The following SLC38A8 variants were observed in gnomAD, a reference collection of about 807,000 sequenced individuals.
SLC38A8 encodes the protein amino acid transporter SLC38A8.
SLC38A8 carries 65 observed loss-of-function variants against 46.0 expected under a neutral mutation model. The ratio of observed to expected loss-of-function variants is 1.41; its 90% CI spans 1.16 to 1.74. The LOEUF (loss-of-function observed/expected upper bound fraction) is 1.74, where lower values mean the gene tolerates loss of function less well. Ranked by LOEUF, SLC38A8 falls within the 40% of genes most tolerant of loss-of-function variation. The pLI, the probability that SLC38A8 is intolerant of heterozygous loss-of-function variation, is 0.00. For synonymous variants in SLC38A8, 447 were observed against 243.7 expected, an observed-to-expected ratio of 1.83 and a Z score of -7.77; for missense variants, 998 against 567.9, an observed-to-expected ratio of 1.76 and a Z score of -7.70.
intron 3 of SLC38A8, among the ~76,000 whole-genome samples, chr16:84,034,148 A>G (rs2085276714): frequency 6.6e-6 from 1 of 152,200 alleles, no homozygotes; most frequent in Non-Finnish European, 1.5e-5. Context: ...GAGTCTCTCC[A>G]CATGGGCCAC....
rs74035111 is a variant in SLC38A8, at chr16:84,042,601, G to A, written c.-53C>T. 411 of 156,264 alleles carry A rather than the reference G, an allele frequency of 2.6e-3. 1 individual carries two copies. The highest frequency in any genetic ancestry group is 9.3e-3 in the African/African-American group (387 of 41,660). The allele number at this position is 156,264 out of a possible 1,614,324, so 9.7% of individuals were successfully genotyped here. A position where few individuals can be genotyped will look rare whatever the true frequency, so the allele number is the denominator to read the frequency against. ...GGACAGTCTTTGGCTGTTGGGGATG[G>A]GACTCGGGCTTACTCCAGGTGGCTC... On this transcript the variant is annotated 5_prime_UTR_variant, in exon 1 of 11. Coordinates refer to ENST00000299709, the MANE Select transcript of SLC38A8 (RefSeq NM_001080442.3).
Position 84,009,723 on chromosome 16 carries a change from T to G in SLC38A8, c.*61A>C. On this transcript the variant is annotated 3_prime_UTR_variant, in exon 11 of 11. Transcript: ENST00000299709. The stretch of plus-strand genomic sequence containing the variant: ...AAATGGCATCGGTCTCCTGGCTGCA[T>G]ACAGCAGCCACGTAGGGTCAGCCCC... 1.4e-6 allele frequency: 2 copies of G among 1,413,318 alleles called. No homozygotes were observed. Among genetic ancestry groups the G allele is most frequent in the Non-Finnish European group, 9.8e-7 (1 of 1,021,750 alleles). The allele number at this position is 1,413,318 out of a possible 1,614,324, so 87.5% of individuals were successfully genotyped here.
intron 6 of SLC38A8, among the ~76,000 whole-genome samples, chr16:84,024,854 T>C (rs1483585253): frequency 1.3e-5 from 2 of 152,148 alleles, no homozygotes; most frequent in African/African-American, 4.8e-5. Flanking sequence ...TAATTTTTTA[T>C]ATTTTTGGTA....
At chr16:84,031,783 G>A in intron 5 of SLC38A8, 84 bp downstream of exon 5, 2 of 1,174,526 alleles carry the variant, frequency 1.7e-6, no homozygotes, top group South Asian at 2.6e-5. Flanking sequence ...AGCCACGAGA[G>A]GCTCCTCCTC....
In SLC38A8 at chr16:84,017,130, C is replaced by A. The variant is rs374692524; in HGVS notation, c.953+10G>T. The A allele has an allele frequency of 3.7e-6, 6 of 1,613,760 alleles. No homozygotes were observed. The highest frequency in any genetic ancestry group is 5.1e-6 in the Non-Finnish European group (6 of 1,179,882). ...TGCTTCACGGTGCCCCCCACTGAGC[C>A]AGGCCTCACCTCCCCAGGAAGAGCA... On this transcript the variant is annotated intron_variant, in intron 8 of 10. Transcript: ENST00000299709.
chr16:84,011,311 G>A (rs1165516649), intron 10 of SLC38A8, among the ~76,000 whole-genome samples: 1 of 152,182 alleles, frequency 6.6e-6, no homozygotes, highest in African/African-American at 2.4e-5. Context: ...CAAAAAGCAT[G>A]AAGACTCCGA....
chr16:84,018,145 T>G (rs938551327), intron 7 of SLC38A8, among the ~76,000 whole-genome samples: 1 of 151,928 alleles, frequency 6.6e-6, no homozygotes, highest in Admixed American at 6.6e-5. Context: ...GTGAGGGCCT[T>G]CTTGCCAATG....
At chr16:84,037,014 C>T in intron 2 of SLC38A8, 114 bp from the exon 3 acceptor site, 1 of 1,084,188 alleles carries the variant, frequency 9.2e-7, no homozygotes, top group Non-Finnish European at 1.3e-6. Context: ...GAGGCCAGGG[C>T]TGCTGCCAAC....
intron 2 of SLC38A8, among the ~76,000 whole-genome samples, chr16:84,038,753 G>A (rs576123124): frequency 1.2e-4 from 18 of 152,206 alleles, no homozygotes; most frequent in African/African-American, 3.1e-4. Context: ...AGAAACCACC[G>A]GTCTAGTATT....
In SLC38A8 at chr16:84,009,950, T is replaced by A. The variant is rs574640613; in HGVS notation, c.1215-73A>T. 211 of 1,367,468 alleles carry A rather than the reference T, an allele frequency of 1.5e-4. 1 individual carries two copies. In the African/African-American group the frequency reaches 2.8e-3, roughly 18 times the overall value. 84.7% of individuals were successfully genotyped at this position (1,367,468 alleles called of 1,614,324 possible). On this transcript the variant is annotated intron_variant, in intron 10 of 10. Coordinates refer to ENST00000299709, the MANE Select transcript of SLC38A8 (RefSeq NM_001080442.3). ...AAATAAGCCACACACACATAAAAAATTCACTATGTAGAGCCCAGTATGGAG... is the reference window on the plus strand; with the variant it reads ...AAATAAGCCACACACACATAAAAAAATCACTATGTAGAGCCCAGTATGGAG...
intron 4 of SLC38A8, 151 bp from the exon 5 acceptor site, chr16:84,032,119 A>G: frequency 1.5e-6 from 1 of 647,608 alleles, no homozygotes; most frequent in Non-Finnish European, 2.7e-6. Context: ...TCATCTGTAC[A>G]GGGGGCATGT....
At chr16:84,017,730 G>C (rs140189540) in intron 7 of SLC38A8, among the ~76,000 whole-genome samples, 1 of 152,176 alleles carries the variant, frequency 6.6e-6, no homozygotes, top group Non-Finnish European at 1.5e-5. Flanking sequence ...GCTAGTTTTC[G>C]TGGACTGAGG....
At chr16:84,010,690 G>A (rs1174407459) in intron 10 of SLC38A8, among the ~76,000 whole-genome samples, 1 of 152,170 alleles carries the variant, frequency 6.6e-6, no homozygotes, top group Non-Finnish European at 1.5e-5. Flanking sequence ...GTCGCAGTGA[G>A]CCAAGATTGC....
Position 84,042,144 on chromosome 16 carries a change from G to T in SLC38A8, c.14C>A (p.Thr5Asn), listed in dbSNP as rs73254348. 6.2e-7 allele frequency: 1 copy of T among 1,612,288 alleles called. No individual in the cohort carries two copies. The highest frequency in any genetic ancestry group is 8.5e-7 in the Non-Finnish European group (1 of 1,179,276). MEGQ[T>N]PGSRGLPEKP... Reference sequence around the variant, plus strand: ...TTCTGGAAGGCCCCTGCTTCCTGGGGTCTGTCCCTCCATGGCTAGAGGCGG... The same window carrying T: ...TTCTGGAAGGCCCCTGCTTCCTGGGTTCTGTCCCTCCATGGCTAGAGGCGG... The change falls in exon 2 of 11, where the codon ACC becomes AAC. Residue 5 changes from threonine (T) to asparagine (N), a missense_variant. Physicochemically the swap from Thr to Asn is moderately conservative, Grantham distance 65. Coordinates refer to ENST00000299709, the MANE Select transcript of SLC38A8 (RefSeq NM_001080442.3).
At chr16:84,032,120 GGGGGCATGT>G in intron 4 of SLC38A8, 152 bp from the exon 5 acceptor site, 1 of 638,056 alleles carries the variant, frequency 1.6e-6, no homozygotes, top group Non-Finnish European at 2.8e-6. Context: ...CATCTGTACA[GGGGGCATGT>G]GGGGCAGGGC....
chr16:84,023,404 C>G (rs528792942), intron 6 of SLC38A8, among the ~76,000 whole-genome samples: 5 of 152,142 alleles, frequency 3.3e-5, no homozygotes, highest in Non-Finnish European at 7.4e-5. Context: ...AGTAAAATTA[C>G]TTTGCTAAGA....
At position 84,009,818 on chromosome 16, in the gene SLC38A8, T is replaced by A; in HGVS notation, c.1274A>T (p.Gln425Leu). 6.2e-7 allele frequency: 1 copy of A among 1,614,076 alleles called. No individual in the cohort carries two copies. The change falls in exon 11 of 11, where the codon CAG becomes CTG. Residue 425 changes from glutamine to leucine, a missense_variant. Gln to Leu is a moderately radical substitution (Grantham distance 113). Transcript: ENST00000299709. ...CTCCCAGACCGCTGCCGCCGTGCTCTGCCCAAAGATGAAGGTGCCGACCAG... is the reference window on the plus strand; with the variant it reads ...CTCCCAGACCGCTGCCGCCGTGCTCAGCCCAAAGATGAAGGTGCCGACCAG... Reference protein sequence around the residue: ...SVLVGTFIFGQSTAAAVWEMF With the variant: ...SVLVGTFIFGLSTAAAVWEMF
intron 7 of SLC38A8, among the ~76,000 whole-genome samples, chr16:84,018,434 T>C (rs1567692840): frequency 6.6e-6 from 1 of 151,966 alleles, no homozygotes; most frequent in Non-Finnish European, 1.5e-5. Context: ...TTAGCCAGGA[T>C]GGTCTCGATC....
rs765736906 is a variant in SLC38A8 at position 84,009,789 on chromosome 16, A to T, written c.1303T>A (p.Phe435Ile). The T allele has an allele frequency of 9.9e-6, 16 of 1,613,580 alleles. No individual in the cohort carries two copies. ...QSTAAAVWEM[F>I] ...TGCCCGGCACTAGCTGCCCATCAGA[A>T]CATCTCCCAGACCGCTGCCGCCGTG... Residue 435 changes from phenylalanine (F) to isoleucine (I), a missense_variant, in exon 11 of 11, where the codon TTC becomes ATC. Phe to Ile is a conservative substitution (Grantham distance 21, BLOSUM62 0). Transcript: ENST00000299709.
Sources: gnomAD v4.1 joint callset for allele counts (sites outside exome capture counted in the v4.1 genomes callset) on GRCh38, gnomAD v4.1.1 for gene constraint, MANE v1.5 for transcripts, NCBI Gene and HGNC (gene_info 2026-07-23, HGNC 2026-07-21) for gene names.